Variants in WDFY3 observed in about 807,000 individuals in gnomAD.
WDFY3 encodes the protein WD repeat and FYVE domain-containing protein 3.
In WDFY3, 66 loss-of-function variants were observed where a neutral mutation model predicts 409.6. The ratio of observed to expected loss-of-function variants is 0.16; its 90% CI spans 0.13 to 0.20. WDFY3 has a LOEUF of 0.20. WDFY3 is among the 10% of genes least tolerant of loss of function. The probability of loss-of-function intolerance (pLI) is 1.00; values close to 1 mark genes in which losing one functional copy is unlikely to be tolerated. For synonymous variants in WDFY3, 1,521 were observed against 1,537.1 expected, an observed-to-expected ratio of 0.99 and a Z score of 0.25; for missense variants, 3,031 against 4,298.1, an observed-to-expected ratio of 0.71 and a Z score of 8.24.
chr4:84,949,202 T>C (rs1443547131), intron 1 of WDFY3, among the ~76,000 whole-genome samples: 2 of 152,054 alleles, frequency 1.3e-5, no homozygotes, highest in East Asian at 1.9e-4. Flanking sequence ...CAAAGCTCTA[T>C]CAAATTTTGA....
chr4:84,756,629 A>AT (rs1741506606), intron 33 of WDFY3, among the ~76,000 whole-genome samples: 4 of 150,002 alleles, frequency 2.7e-5, no homozygotes, highest in South Asian at 2.1e-4. Context: ...ATAAAATAAA[A>AT]TAAAATAAAA....
chr4:84,803,261 C>T (rs368223815), intron 16 of WDFY3, 29 bp downstream of exon 16: 13 of 1,563,818 alleles, frequency 8.3e-6, no homozygotes, highest in East Asian at 4.5e-5. Flanking sequence ...TCATTACAGA[C>T]GGGAAGGAAC....
At chr4:84,760,589 T>C (rs187376876) in intron 32 of WDFY3, among the ~76,000 whole-genome samples, 2 of 152,338 alleles carry the variant, frequency 1.3e-5, no homozygotes, top group South Asian at 2.1e-4. Flanking sequence ...AGTTTATTTG[T>C]GTAGAGGTTG....
chr4:84,949,465 G>C (rs1161157170), intron 1 of WDFY3, among the ~76,000 whole-genome samples: 1 of 152,084 alleles, frequency 6.6e-6, no homozygotes, highest in Non-Finnish European at 1.5e-5. Flanking sequence ...ATAGCATATT[G>C]AAAAGGCCAT....
intron 3 of WDFY3, among the ~76,000 whole-genome samples, chr4:84,865,413 T>C (rs1258046736): frequency 6.6e-6 from 1 of 152,206 alleles, no homozygotes; most frequent in East Asian, 1.9e-4. Context: ...TCAGTGTTTG[T>C]CTCTACATTG....
Position 84,827,144 on chromosome 4 carries a change from G to A in WDFY3, c.957-163C>T, listed in dbSNP as rs146790277. ...CATTAGGGAATTATCTTTTAACCACGGCTTTCCTGAGAACACAAAATGGGT... is the reference window on the plus strand; with the variant it reads ...CATTAGGGAATTATCTTTTAACCACAGCTTTCCTGAGAACACAAAATGGGT... On this transcript the variant is annotated intron_variant, in intron 9 of 67. Transcript: ENST00000295888. 4.3e-3 allele frequency among the ~76,000 whole-genome samples: 652 copies of A among 151,468 alleles called. 4 individuals carry two copies. The highest frequency in any genetic ancestry group is 0.015 in the African/African-American group (609 of 41,264).
intron 1 of WDFY3, among the ~76,000 whole-genome samples, chr4:84,937,276 T>C (rs1038764630): frequency 1.5e-4 from 23 of 152,282 alleles, no homozygotes; most frequent in African/African-American, 5.1e-4. Flanking sequence ...TATCACATGC[T>C]GATACACTTT....
At chr4:84,905,204 C>T (rs1766881447) in intron 2 of WDFY3, among the ~76,000 whole-genome samples, 1 of 152,144 alleles carries the variant, frequency 6.6e-6, no homozygotes, top group Admixed American at 6.5e-5. Flanking sequence ...GCCATCATGG[C>T]GTGTGCCTGT....
At chr4:84,816,800 G>A (rs931168489) in intron 13 of WDFY3, among the ~76,000 whole-genome samples, 21 of 152,004 alleles carry the variant, frequency 1.4e-4, no homozygotes, top group Admixed American at 7.2e-4. Context: ...GAAATAAAAC[G>A]GGTATTGAAA....
chr4:84,769,985 ATTG>A (rs1389302261), intron 30 of WDFY3, among the ~76,000 whole-genome samples: 4 of 151,916 alleles, frequency 2.6e-5, no homozygotes, highest in Non-Finnish European at 5.9e-5. Flanking sequence ...GGCTCAGATG[ATTG>A]TTATCATTTT....
chr4:84,794,700 G>A lies in WDFY3; in HGVS notation c.3306C>T (p.Tyr1102=), dbSNP rs1410723792. The A allele has an allele frequency of 1.2e-6, 2 of 1,613,544 alleles. No homozygotes were observed. The highest frequency in any genetic ancestry group is 1.7e-6 in the Non-Finnish European group (2 of 1,179,906). ...RFFPPPSGLS[Y]SSWFCIEHFS... ...AATGTTCAATACAAAACCAGCTAGAGTAACTTAAGCCGGAGGGAGGAGGGA... is the reference window on the plus strand; with the variant it reads ...AATGTTCAATACAAAACCAGCTAGAATAACTTAAGCCGGAGGGAGGAGGGA... The change falls in exon 21 of 68, where the codon TAC becomes TAT. Residue 1102 remains tyrosine (Y), a synonymous_variant. Coordinates refer to ENST00000295888, the MANE Select transcript of WDFY3 (RefSeq NM_014991.6).
intron 32 of WDFY3, among the ~76,000 whole-genome samples, chr4:84,763,870 CCT>C (rs1743146776): frequency 6.6e-6 from 1 of 152,128 alleles, no homozygotes; most frequent in African/African-American, 2.4e-5. Context: ...AGTGAAAGCA[CCT>C]CTCTCTAATA....
intron 2 of WDFY3, among the ~76,000 whole-genome samples, chr4:84,930,816 G>T (rs1399329571): frequency 1.3e-5 from 2 of 151,980 alleles, no homozygotes; most frequent in African/African-American, 4.8e-5. Context: ...TTTAATTCTG[G>T]GTAACACAGA....
intron 3 of WDFY3, among the ~76,000 whole-genome samples, chr4:84,887,614 C>T (rs191294103): frequency 5.3e-4 from 81 of 152,236 alleles, no homozygotes; most frequent in African/African-American, 1.9e-3. Flanking sequence ...GGTATTTTCA[C>T]AAAAATTTAT....
At position 84,753,731 on chromosome 4, in the gene WDFY3, A is replaced by G; in HGVS notation, c.5705T>C (p.Val1902Ala). 1.9e-6 allele frequency: 3 copies of G among 1,600,900 alleles called. No homozygotes were observed. The highest frequency in any genetic ancestry group is 1.7e-6 in the Non-Finnish European group (2 of 1,174,242). Residue 1902 changes from valine (V) to alanine (A), a missense_variant, in exon 35 of 68, where the codon GTC (valine) becomes GCC (alanine). This residue lies in a region of WDFY3 where 342 missense variants were observed against 463.7 expected (regional missense o/e 0.74). Transcript: ENST00000295888. Reference protein sequence around the residue: ...PDFLCALAATVFPFNIRPYSE... With the variant: ...PDFLCALAATAFPFNIRPYSE... ...GTAAGGGCGAATATTGAAGGGGAAG[A>G]CGGTGGCTGCTAATGCACACAGGAA...
At chr4:84,944,985 AAG>A (rs1772628209) in intron 1 of WDFY3, among the ~76,000 whole-genome samples, 1 of 152,064 alleles carries the variant, frequency 6.6e-6, no homozygotes, top group African/African-American at 2.4e-5. Context: ...AAAGATAAAA[AAG>A]AGGGAGATTC....
At chr4:84,961,761 A>G (rs561038884) in intron 1 of WDFY3, among the ~76,000 whole-genome samples, 10 of 152,300 alleles carry the variant, frequency 6.6e-5, no homozygotes, top group Non-Finnish European at 1.3e-4. Flanking sequence ...ACATATAATA[A>G]ATGGCTAAAG....
intron 7 of WDFY3, among the ~76,000 whole-genome samples, chr4:84,835,285 G>A (rs1241960553): frequency 1.3e-5 from 2 of 152,116 alleles, no homozygotes; most frequent in Non-Finnish European, 2.9e-5. Context: ...TTGAAATGAG[G>A]CTGCTATTCT....
intron 19 of WDFY3, among the ~76,000 whole-genome samples, chr4:84,796,232 T>C (rs1218624295): frequency 1.3e-5 from 2 of 149,328 alleles, no homozygotes; most frequent in African/African-American, 4.9e-5. Context: ...CAATAAAACT[T>C]CATTTACAAA....
Sources: allele counts gnomAD v4.1 joint callset (sites outside exome capture counted in the v4.1 genomes callset), GRCh38; gene constraint gnomAD v4.1.1; regional missense constraint gnomAD v4.1.1; transcripts MANE v1.5; gene names NCBI Gene and HGNC (gene_info 2026-07-23, HGNC 2026-07-21).